The following MOG variants were observed in gnomAD, a reference collection of about 807,000 sequenced individuals.
MOG encodes the protein myelin-oligodendrocyte glycoprotein.
In MOG, 20 loss-of-function variants were observed where a neutral mutation model predicts 35.9. The ratio of observed to expected loss-of-function variants is 0.56; its 90% CI spans 0.39 to 0.81. The LOEUF is 0.81. Ranked by LOEUF, MOG falls within the 30% of genes least tolerant of loss-of-function variation. The pLI, the probability that MOG is intolerant of heterozygous loss-of-function variation, is 0.00. For missense variants in MOG, 251 were observed against 301.0 expected (o/e 0.83, Z 1.23); for synonymous variants, 92 against 114.3 (o/e 0.80, Z 1.25).
chr6:29,664,700 G>A (rs775215202), intron 2 of MOG: 5 of 445,596 alleles, frequency 1.1e-5, no homozygotes, highest in South Asian at 7.9e-5. Flanking sequence ...CACCTCCCAG[G>A]CTCAAGTGAT....
chr6:29,659,579 G>T lies in MOG; in HGVS notation c.349G>T (p.Val117Leu), dbSNP rs759193635. Residue 117 changes from valine (V) to leucine (L), a missense_variant, in exon 2 of 8, where the codon GTA becomes TTA. By Grantham distance (32) the Val-to-Leu change is conservative. Coordinates refer to ENST00000376917, the MANE Select transcript of MOG (RefSeq NM_206809.4). ...EGKVTLRIRN[V>L]RFSDEGGFTC... ...AAAGGTGACTCTCAGGATCCGGAAT[G>T]TAAGGTTCTCAGATGAAGGAGGTTT... The T allele has an allele frequency of 5.6e-6, 9 of 1,613,098 alleles. No individual in the cohort carries two copies. The Admixed American group carries it at 1.3e-4, about 24-fold the overall frequency.
chr6:29,660,032 A>G (rs998256824), intron 2 of MOG: 1 of 322,196 alleles, frequency 3.1e-6, no homozygotes, highest in Non-Finnish European at 5.9e-6. Flanking sequence ...AGGATACAAA[A>G]ACAAAAACAA....
intron 2 of MOG, chr6:29,660,029 A>G (rs1472522152): frequency 6.2e-6 from 2 of 324,826 alleles, no homozygotes. Flanking sequence ...TGTAGGATAC[A>G]AAAACAAAAA....
At chr6:29,669,712 C>T (rs1483224417) in intron 5 of MOG, among the ~76,000 whole-genome samples, 1 of 152,188 alleles carries the variant, frequency 6.6e-6, no homozygotes, top group Non-Finnish European at 1.5e-5. Flanking sequence ...AGGTACTGCT[C>T]ATATTGTGGT....
At chr6:29,667,411 G>C (rs571339379) in intron 3 of MOG, among the ~76,000 whole-genome samples, 1 of 152,316 alleles carries the variant, frequency 6.6e-6, no homozygotes, top group South Asian at 2.1e-4. Flanking sequence ...TTGGATGCTT[G>C]TGCTGGCTTG....
chr6:29,666,924 G>GGAGAAA (rs1770342679), intron 3 of MOG, among the ~76,000 whole-genome samples: 1 of 152,116 alleles, frequency 6.6e-6, no homozygotes, highest in Non-Finnish European at 1.5e-5. Context: ...TAGCAAGGAG[G>GGAGAAA]GTATGGGGAA....
At chr6:29,667,869 C>T (rs1770566144) in intron 4 of MOG, 35 bp from the exon 5 acceptor site, 1 of 1,613,144 alleles carries the variant, frequency 6.2e-7, no homozygotes. Context: ...TTTTGAGTGC[C>T]CTACTAAATC....
Position 29,671,053 on chromosome 6 carries a change from A to T in MOG, c.731-119A>T. On this transcript the variant is annotated intron_variant, in intron 7 of 7. Transcript: ENST00000376917. ...GCCCAGTGCCTCACCTCTCAGATCA[A>T]CCATTGAGGCAGGAATGGAGACAAG... 2 of 1,612,232 alleles carry T rather than the reference A, an allele frequency of 1.2e-6. 1 individual carries two copies. Among genetic ancestry groups the T allele is most frequent in the South Asian group, 2.2e-5 (2 of 90,888 alleles).
chr6:29,657,286 C>CCAGCTATG lies in MOG; in HGVS notation c.81_88dup (p.Gly30AlafsTer8). ...CTCCTCCTCCTCCTCCAAGTGTCTT[C>CCAGCTATG]CAGCTATGCAGGTAAGACATGTTTT... On this transcript the variant is annotated frameshift_variant, in exon 1 of 8. Coordinates refer to ENST00000376917, the MANE Select transcript of MOG (RefSeq NM_206809.4). LOFTEE classifies it high-confidence loss of function. 1 of 1,598,418 alleles carries CCAGCTATG rather than the reference C, an allele frequency of 6.3e-7. No homozygotes were observed. Among genetic ancestry groups the CCAGCTATG allele is most frequent in the East Asian group, 2.2e-5 (1 of 44,656 alleles).
rs779760422 is a variant in MOG at position 29,670,774 on chromosome 6, G to T, written c.730+53G>T. ...AGAGAATAAAAAGCCAGGAAAGGGA[G>T]ACAGAAGCAACAAGAGGAAGAGGCG... On this transcript the variant is annotated intron_variant, in intron 7 of 7. Coordinates refer to ENST00000376917, the MANE Select transcript of MOG (RefSeq NM_206809.4). The surrounding 1 kb of genome is among the most constrained non-coding windows in gnomAD (Gnocchi z 4.2). The T allele has an allele frequency of 5.0e-6, 8 of 1,606,268 alleles. No homozygotes were observed. The highest frequency in any genetic ancestry group is 6.8e-6 in the Non-Finnish European group (8 of 1,176,344).
rs1237521479 is a variant in MOG, at chr6:29,667,669, T to C, written c.571+6T>C. The C allele has an allele frequency of 1.1e-5, 17 of 1,613,896 alleles. No individual in the cohort carries two copies. The highest frequency in any genetic ancestry group is 1.4e-5 in the Non-Finnish European group (17 of 1,180,012). Reference sequence around the variant, plus strand: ...AAAACTTCGAGCAGAGATAGGTGAGTTCCAGTCATCGTTTCTCCCAATTCT... The same window carrying C: ...AAAACTTCGAGCAGAGATAGGTGAGCTCCAGTCATCGTTTCTCCCAATTCT... On this transcript the variant is annotated splice_donor_region_variant and intron_variant, in intron 4 of 7. Transcript: ENST00000376917.
In MOG at chr6:29,671,463, G is replaced by A. The variant is rs1451058691; in HGVS notation, c.*278G>A. On this transcript the variant is annotated 3_prime_UTR_variant, in exon 8 of 8. Transcript: ENST00000376917. ...CCTCTCTGGCTAAGGACAGGCAGGT[G>A]CCCCTCTCTCCATCAGAGGACACCT... 1 of 1,552,932 alleles carries A rather than the reference G, an allele frequency of 6.4e-7. No individual in the cohort carries two copies. The highest frequency in any genetic ancestry group is 8.9e-7 in the Non-Finnish European group (1 of 1,125,568).
At chr6:29,665,073 C>T (rs993047433) in intron 2 of MOG, among the ~76,000 whole-genome samples, 17 of 151,290 alleles carry the variant, frequency 1.1e-4, no homozygotes, top group South Asian at 2.1e-4. Context: ...TCTAATGTGA[C>T]GTGAAAATAT....
rs1768120063 is a variant in MOG at position 29,662,902 on chromosome 6, A to G, written c.436+3236A>G. On this transcript the variant is annotated intron_variant, in intron 2 of 7. Coordinates refer to ENST00000376917, the MANE Select transcript of MOG (RefSeq NM_206809.4). This position sits in a 1 kb window ranked among gnomAD's most constrained non-coding sequence, Gnocchi z 4.2. ...GGTCTCAAACTCCTAGGCTCAAGCA[A>G]TCCTCCCACCTCGGCCTCCCAAAGT... Among the ~76,000 whole-genome samples the G allele has an allele frequency of 6.6e-6, 1 of 152,026 alleles. No individual in the cohort carries two copies. Among genetic ancestry groups the G allele is most frequent in the South Asian group, 2.1e-4 (1 of 4,818 alleles).
Position 29,661,374 on chromosome 6 carries a change from T to A in MOG, c.436+1708T>A, listed in dbSNP as rs1204290163. 3.0e-6 allele frequency: 3 copies of A among 985,206 alleles called. No individual in the cohort carries two copies. In the African/African-American group the frequency reaches 5.2e-5, roughly 17 times the overall value. The allele number at this position is 985,206 out of a possible 1,614,324, so 61.0% of individuals were successfully genotyped here. Reference sequence around the variant, plus strand: ...AGCTTTATGTGTCTCAGAATGTTCTTCATACAGCTGTTTTTATTGGGGAAA... The same window carrying A: ...AGCTTTATGTGTCTCAGAATGTTCTACATACAGCTGTTTTTATTGGGGAAA... On this transcript the variant is annotated intron_variant, in intron 2 of 7. Transcript: ENST00000376917.
chr6:29,659,184 T>C (rs1217148307), intron 1 of MOG, 135 bp from the exon 2 acceptor site: 8 of 766,096 alleles, frequency 1.0e-5, no homozygotes, highest in Non-Finnish European at 1.8e-5. Context: ...ATTGCAATCC[T>C]CCCTGGCTCT....
At chr6:29,667,835 CA>C in intron 4 of MOG, 68 bp from the exon 5 acceptor site, 3 of 1,587,722 alleles carry the variant, frequency 1.9e-6, no homozygotes, top group Non-Finnish European at 2.6e-6. Context: ...AATTAAATAA[CA>C]AAGACTCAGG....
At chr6:29,663,809 A>G (rs1314834924) in intron 2 of MOG, among the ~76,000 whole-genome samples, 2 of 152,232 alleles carry the variant, frequency 1.3e-5, no homozygotes, top group East Asian at 3.8e-4. Flanking sequence ...AGAACTTGAA[A>G]GTAAAGGTAG....
At chr6:29,665,734 T>TGTAGGAAGTCAGGGGA (rs1413103540) in intron 2 of MOG, among the ~76,000 whole-genome samples, 1 of 150,366 alleles carries the variant, frequency 6.7e-6, no homozygotes, top group African/African-American at 2.5e-5. Context: ...GAACTACATA[T>TGTAGGAAGTCAGGGGA]TTGAAATACA....
Sources: allele counts gnomAD v4.1 joint callset (sites outside exome capture counted in the v4.1 genomes callset), GRCh38; gene constraint gnomAD v4.1.1; non-coding constraint Gnocchi (gnomAD v3.1); transcripts MANE v1.5; gene names NCBI Gene and HGNC (gene_info 2026-07-23, HGNC 2026-07-21).